The following GNA14 variants were observed in gnomAD, a reference collection of about 807,000 sequenced individuals.
GNA14 encodes G protein subunit alpha 14.
GNA14 carries 50 observed loss-of-function variants against 42.0 expected under a neutral mutation model. The observed-to-expected ratio is 1.19, with a 90% CI of 0.95 to 1.51. The LOEUF (loss-of-function observed/expected upper bound fraction) is 1.51. Among genes scored for constraint, GNA14 ranks in the 40% most tolerant of loss-of-function variants. The probability of loss-of-function intolerance (pLI) is 0.00; values close to 1 mark genes in which losing one functional copy is unlikely to be tolerated. For missense variants in GNA14, 473 were observed against 446.2 expected (o/e 1.06, Z -0.54); for synonymous variants, 173 against 163.1 (o/e 1.06, Z -0.46).
intron 2 of GNA14, among the ~76,000 whole-genome samples, chr9:77,451,821 G>A (rs1835906422): frequency 6.6e-6 from 1 of 152,200 alleles, no homozygotes; most frequent in African/African-American, 2.4e-5. Context: ...AGTGCAAAGT[G>A]TCTCTCTCCT....
At chr9:77,600,927 A>C (rs1823550343) in intron 1 of GNA14, among the ~76,000 whole-genome samples, 1 of 152,352 alleles carries the variant, frequency 6.6e-6, no homozygotes, top group African/African-American at 2.4e-5. Flanking sequence ...CTCAAAAACA[A>C]AACAAAGCAA....
chr9:77,599,784 C>T (rs937304973), intron 1 of GNA14, among the ~76,000 whole-genome samples: 1 of 152,158 alleles, frequency 6.6e-6, no homozygotes, highest in African/African-American at 2.4e-5. Flanking sequence ...TTCCGTTCTC[C>T]ATCACACCAA....
chr9:77,512,774 C>T (rs1303340115), intron 2 of GNA14, among the ~76,000 whole-genome samples: 1 of 152,044 alleles, frequency 6.6e-6, no homozygotes, highest in Non-Finnish European at 1.5e-5. Context: ...TTGAACAAAC[C>T]CCCGCTAAAA....
At chr9:77,446,494 C>A (rs1424795975) in intron 2 of GNA14, among the ~76,000 whole-genome samples, 1 of 152,196 alleles carries the variant, frequency 6.6e-6, no homozygotes, top group Non-Finnish European at 1.5e-5. Flanking sequence ...TGAGGTGGAC[C>A]CGTGTAACTG....
chr9:77,425,423 T>G (rs1835437755), intron 6 of GNA14, 139 bp downstream of exon 6: 1 of 588,726 alleles, frequency 1.7e-6, no homozygotes, highest in South Asian at 2.3e-5. Context: ...CTAGAGCTTC[T>G]GTTTGAAGGT....
chr9:77,470,365 T>C (rs931920937), intron 2 of GNA14, among the ~76,000 whole-genome samples: 5 of 152,084 alleles, frequency 3.3e-5, no homozygotes, highest in African/African-American at 9.7e-5. Flanking sequence ...GGCTGGAAGA[T>C]AAATAAAGGT....
intron 2 of GNA14, among the ~76,000 whole-genome samples, chr9:77,513,826 A>G (rs1417535948): frequency 6.6e-6 from 1 of 152,166 alleles, no homozygotes; most frequent in Admixed American, 6.5e-5. Context: ...TAACCACAAT[A>G]CATTTTGGTC....
chr9:77,573,536 T>A lies in GNA14; in HGVS notation c.125-44283A>T, dbSNP rs112097822. ...TCAGCTTCCACTAGGACACAACTGA[T>A]CTGCGCTCAAGAGATAAGCTGGCTA... is the stretch of plus-strand genomic sequence containing the variant. On this transcript the variant is annotated intron_variant, in intron 1 of 6. Coordinates refer to ENST00000341700, the MANE Select transcript of GNA14 (RefSeq NM_004297.4). Among the ~76,000 whole-genome samples the A allele has an allele frequency of 9.2e-5, 14 of 152,214 alleles. 2 individuals carry two copies. The highest frequency in any genetic ancestry group is 3.1e-4 in the African/African-American group (13 of 41,556).
Position 77,578,252 on chromosome 9 carries a change from G to A in GNA14, c.125-48999C>T, listed in dbSNP as rs1157667586. ...GATCGTGCCATTACACTCCAGCCTGGTGATGGAGTGAGACTCCGTCTCAAA... is the reference window on the plus strand; with the variant it reads ...GATCGTGCCATTACACTCCAGCCTGATGATGGAGTGAGACTCCGTCTCAAA... On this transcript the variant is annotated intron_variant, in intron 1 of 6. Coordinates refer to ENST00000341700, the MANE Select transcript of GNA14 (RefSeq NM_004297.4). Among the ~76,000 whole-genome samples, 16 of 152,208 alleles carry A rather than the reference G, an allele frequency of 1.1e-4. 1 individual carries two copies. Among genetic ancestry groups the A allele is most frequent in the Admixed American group, 1.0e-3 (16 of 15,278 alleles).
rs1374152863 is a variant in GNA14 at position 77,434,381 on chromosome 9, C to G, written c.451G>C (p.Asp151His). Reference sequence around the variant, plus strand: ...CTCTGTACTCACTATTTGGCAGAGTCCGACAGCTGGTACTCCCTCCTCCTG... The same window carrying G: ...CTCTGTACTCACTATTTGGCAGAGTGCGACAGCTGGTACTCCCTCCTCCTG... ...YDRRREYQLS[D>H]SAKYYLTDID... Residue 151 changes from aspartate to histidine, a missense_variant, in exon 3 of 7, where the codon GAC (aspartate) becomes CAC (histidine). Asp to His is a moderately conservative substitution (Grantham distance 81). Coordinates refer to ENST00000341700, the MANE Select transcript of GNA14 (RefSeq NM_004297.4). The G allele has an allele frequency of 1.2e-6, 2 of 1,613,746 alleles. No homozygotes were observed. Among genetic ancestry groups the G allele is most frequent in the African/African-American group, 1.3e-5 (1 of 74,912 alleles).
At chr9:77,622,040 C>T (rs559337339) in intron 1 of GNA14, among the ~76,000 whole-genome samples, 17 of 152,324 alleles carry the variant, frequency 1.1e-4, no homozygotes, top group Admixed American at 4.6e-4. Context: ...ATTCTCCCAC[C>T]TCAGCATCCC....
intron 2 of GNA14, among the ~76,000 whole-genome samples, chr9:77,443,931 A>G (rs939143193): frequency 2.0e-5 from 3 of 152,184 alleles, no homozygotes; most frequent in African/African-American, 7.2e-5. Flanking sequence ...AGAGTAAGCT[A>G]TGATTGTGCT....
At chr9:77,508,339 C>T (rs1837103332) in intron 2 of GNA14, among the ~76,000 whole-genome samples, 1 of 152,128 alleles carries the variant, frequency 6.6e-6, no homozygotes, top group Non-Finnish European at 1.5e-5. Flanking sequence ...AAGGACAGAA[C>T]AAATGAGCAA....
At chr9:77,616,392 GC>G (rs1431353337) in intron 1 of GNA14, among the ~76,000 whole-genome samples, 2 of 152,176 alleles carry the variant, frequency 1.3e-5, no homozygotes, top group Admixed American at 6.5e-5. Context: ...CACTGTAATG[GC>G]TGGAACGAAG....
chr9:77,526,310 G>A (rs1837437776), intron 2 of GNA14, among the ~76,000 whole-genome samples: 1 of 152,126 alleles, frequency 6.6e-6, no homozygotes, highest in South Asian at 2.1e-4. Context: ...TGGAGTAGAT[G>A]TATGTTGTAC....
chr9:77,489,853 G>A (rs1300409478), intron 2 of GNA14, among the ~76,000 whole-genome samples: 1 of 152,176 alleles, frequency 6.6e-6, no homozygotes, highest in Non-Finnish European at 1.5e-5. Flanking sequence ...GCAGTAGCAA[G>A]ATTTATTGCA....
intron 2 of GNA14, among the ~76,000 whole-genome samples, chr9:77,463,629 C>T (rs1564022071): frequency 6.6e-6 from 1 of 152,194 alleles, no homozygotes; most frequent in Non-Finnish European, 1.5e-5. Context: ...GCAAAGAACA[C>T]ATGTAGTTTC....
intron 1 of GNA14, among the ~76,000 whole-genome samples, chr9:77,575,523 C>G (rs935722242): frequency 6.6e-6 from 1 of 152,116 alleles, no homozygotes; most frequent in African/African-American, 2.4e-5. Context: ...TGTTTATTAA[C>G]GCTTGTAAAT....
At chr9:77,501,407 G>A (rs571228845) in intron 2 of GNA14, among the ~76,000 whole-genome samples, 1 of 152,268 alleles carries the variant, frequency 6.6e-6, no homozygotes, top group Non-Finnish European at 1.5e-5. Flanking sequence ...GATAGGTATA[G>A]AGTAATACCT....
Sources: allele counts gnomAD v4.1 joint callset (sites outside exome capture counted in the v4.1 genomes callset), GRCh38; gene constraint gnomAD v4.1.1; transcripts MANE v1.5; gene names NCBI Gene and HGNC (gene_info 2026-07-23, HGNC 2026-07-21).